CHL1: variants seen among roughly 807,000 people sequenced by gnomAD.
CHL1 encodes cell adhesion molecule L1 like.
Under a neutral mutation model 141.9 loss-of-function variants are expected in CHL1, and 96 were observed. That is an observed-to-expected ratio of 0.68 (90% confidence interval 0.57 to 0.80). The LOEUF is 0.80. Ranked by LOEUF, CHL1 falls within the 30% of genes least tolerant of loss-of-function variation. The pLI is 0.00. For synonymous variants in CHL1, 613 were observed against 502.2 expected (o/e 1.22, Z -2.95); for missense variants, 1,820 against 1,457.2 (o/e 1.25, Z -4.05).
intron 1 of CHL1, among the ~76,000 whole-genome samples, chr3:214,219 G>A (rs971510818): frequency 3.3e-5 from 5 of 152,126 alleles, no homozygotes; most frequent in African/African-American, 1.2e-4. Flanking sequence ...TTACTTTTCA[G>A]CTGCGTTAAT....
At chr3:257,501 C>T (rs1694285055) in intron 2 of CHL1, among the ~76,000 whole-genome samples, 1 of 151,924 alleles carries the variant, frequency 6.6e-6, no homozygotes, top group Admixed American at 6.6e-5. Flanking sequence ...TTACAGGTGC[C>T]TGCCACCATG....
chr3:337,852 T>C (rs1471325203), intron 5 of CHL1, among the ~76,000 whole-genome samples: 6 of 152,198 alleles, frequency 3.9e-5, no homozygotes, highest in Admixed American at 1.3e-4. Context: ...TGTGTCTTCA[T>C]AGCAGCATGA....
At chr3:241,678 T>G (rs1421012677) in intron 1 of CHL1, among the ~76,000 whole-genome samples, 1 of 152,116 alleles carries the variant, frequency 6.6e-6, no homozygotes, top group African/African-American at 2.4e-5. Context: ...ACTTTTTAAA[T>G]CTTAGTTACA....
At chr3:356,720 G>T (rs144003310) in intron 11 of CHL1, among the ~76,000 whole-genome samples, 1 of 152,162 alleles carries the variant, frequency 6.6e-6, no homozygotes, top group African/African-American at 2.4e-5. Flanking sequence ...GTGGAGAGGT[G>T]TGTTGAGGAG....
intron 1 of CHL1, among the ~76,000 whole-genome samples, chr3:242,188 T>G (rs1416746652): frequency 6.6e-6 from 1 of 152,158 alleles, no homozygotes; most frequent in Non-Finnish European, 1.5e-5. Flanking sequence ...TGTATGTATA[T>G]ATATATGTGT....
intron 15 of CHL1, among the ~76,000 whole-genome samples, chr3:369,510 G>A (rs529486539): frequency 1.6e-4 from 25 of 152,270 alleles, no homozygotes; most frequent in African/African-American, 3.6e-4. Context: ...CTTAGACAAC[G>A]GGGTTTTCTA....
At chr3:352,487 A>G (rs1456822273) in intron 10 of CHL1, among the ~76,000 whole-genome samples, 1 of 152,182 alleles carries the variant, frequency 6.6e-6, no homozygotes, top group Non-Finnish European at 1.5e-5. Flanking sequence ...TTGTATTTAC[A>G]ATTATGAGAA....
chr3:324,691 C>T (rs911094718), intron 3 of CHL1, among the ~76,000 whole-genome samples: 6 of 151,522 alleles, frequency 4.0e-5, no homozygotes, highest in African/African-American at 1.5e-4. Flanking sequence ...CAGGCTCAAG[C>T]GCAGTGGCTT....
chr3:314,933 T>C (rs1483971474), intron 2 of CHL1, among the ~76,000 whole-genome samples: 7 of 152,164 alleles, frequency 4.6e-5, no homozygotes, highest in African/African-American at 1.7e-4. Flanking sequence ...GCAATCAATC[T>C]ACTACACTCT....
At chr3:234,284 A>G (rs1286451011) in intron 1 of CHL1, among the ~76,000 whole-genome samples, 3 of 152,000 alleles carry the variant, frequency 2.0e-5, no homozygotes, top group Admixed American at 6.6e-5. Context: ...TACTTTTAGA[A>G]TAAAACAAAA....
chr3:311,980 T>C (rs1699787671), intron 2 of CHL1, among the ~76,000 whole-genome samples: 1 of 152,190 alleles, frequency 6.6e-6, no homozygotes, highest in Non-Finnish European at 1.5e-5. Context: ...ACAATTTGAA[T>C]TAGATGTCAT....
chr3:279,680 A>T (rs1696461898), intron 2 of CHL1, among the ~76,000 whole-genome samples: 1 of 152,156 alleles, frequency 6.6e-6, no homozygotes, highest in Admixed American at 6.6e-5. Context: ...TTCTCAAAGG[A>T]TAGTATAGTT....
chr3:337,706 T>A (rs1179472786), intron 5 of CHL1, among the ~76,000 whole-genome samples: 4 of 152,224 alleles, frequency 2.6e-5, no homozygotes, highest in Admixed American at 2.6e-4. Context: ...TCATCATTTT[T>A]ATGGCTTCAT....
At chr3:231,123 A>G (rs927503860) in intron 1 of CHL1, among the ~76,000 whole-genome samples, 7 of 152,182 alleles carry the variant, frequency 4.6e-5, no homozygotes, top group African/African-American at 1.7e-4. Flanking sequence ...CTTTATATTT[A>G]CTATCGGTTT....
chr3:328,985 A>G (rs569471729), intron 5 of CHL1, among the ~76,000 whole-genome samples: 2 of 152,302 alleles, frequency 1.3e-5, no homozygotes, highest in Admixed American at 1.3e-4. Context: ...GAAAGGAGAA[A>G]CAGCTATTGG....
At chr3:255,503 G>A (rs1037499083) in intron 2 of CHL1, among the ~76,000 whole-genome samples, 4 of 152,030 alleles carry the variant, frequency 2.6e-5, no homozygotes, top group Admixed American at 2.6e-4. Flanking sequence ...CTTTGTATGT[G>A]TGTGTGTGTG....
At chr3:266,737 G>A (rs1695192363) in intron 2 of CHL1, among the ~76,000 whole-genome samples, 1 of 152,212 alleles carries the variant, frequency 6.6e-6, no homozygotes, top group Non-Finnish European at 1.5e-5. Flanking sequence ...GCACACTGTA[G>A]ATTCTTAAAT....
Position 408,251 on chromosome 3 carries a change from C to T in CHL1, c.*2540C>T, listed in dbSNP as rs1170926075. 2 of 152,084 alleles carry T rather than the reference C, an allele frequency of 1.3e-5. No individual in the cohort carries two copies. Among genetic ancestry groups the T allele is most frequent in the Non-Finnish European group, 2.9e-5 (2 of 67,996 alleles). The allele number at this position is 152,084 out of a possible 1,614,324, so 9.4% of individuals were successfully genotyped here. A position where few individuals can be genotyped will look rare whatever the true frequency, so the allele number is the denominator to read the frequency against. Reference sequence around the variant, plus strand: ...CCAATATTTAAAACTTTGTTCGTTACTGGCTTTACCCTAACTTTCTCTAGT... The same window carrying T: ...CCAATATTTAAAACTTTGTTCGTTATTGGCTTTACCCTAACTTTCTCTAGT... On this transcript the variant is annotated 3_prime_UTR_variant, in exon 28 of 28. Coordinates refer to ENST00000256509, the MANE Select transcript of CHL1 (RefSeq NM_006614.4).
intron 2 of CHL1, among the ~76,000 whole-genome samples, chr3:276,821 G>A (rs746524251): frequency 1.3e-5 from 2 of 149,614 alleles, no homozygotes; most frequent in African/African-American, 2.5e-5. Context: ...CCTGGAAGTC[G>A]GAGGTTGCAG....
Sources: allele counts gnomAD v4.1 joint callset (sites outside exome capture counted in the v4.1 genomes callset), GRCh38; gene constraint gnomAD v4.1.1; transcripts MANE v1.5; gene names NCBI Gene and HGNC (gene_info 2026-07-23, HGNC 2026-07-21).